NR1H4: variants seen among roughly 807,000 people sequenced by gnomAD.
The protein encoded by NR1H4 is nuclear receptor subfamily 1 group H member 4.
Under a neutral mutation model 58.5 loss-of-function variants are expected in NR1H4, and 23 were observed. That is an observed-to-expected ratio of 0.39 (90% CI 0.28 to 0.56). NR1H4 has a LOEUF of 0.56. Among genes scored for constraint, NR1H4 ranks in the 20% least tolerant of loss-of-function variants. The pLI is 0.58. For missense variants in NR1H4, 487 were observed against 576.9 expected, an observed-to-expected ratio of 0.84 and a Z score of 1.60; for synonymous variants, 214 against 198.0, an observed-to-expected ratio of 1.08 and a Z score of -0.68.
intron 4 of NR1H4, among the ~76,000 whole-genome samples, chr12:100,511,836 C>T (rs950376147): frequency 7.2e-5 from 11 of 152,032 alleles, no homozygotes; most frequent in Admixed American, 3.3e-4. Flanking sequence ...GCAGGAGAAT[C>T]GCTTGAACCT....
chr12:100,561,372 T>C (rs1184076364), intron 9 of NR1H4, among the ~76,000 whole-genome samples: 2 of 152,076 alleles, frequency 1.3e-5, no homozygotes, highest in Non-Finnish European at 2.9e-5. Flanking sequence ...CACTCCAGCC[T>C]GGGTGACAGA....
At chr12:100,510,607 TTATA>T (rs34480475) in intron 3 of NR1H4, among the ~76,000 whole-genome samples, 167 bp from the exon 4 acceptor site, 7,491 of 133,634 alleles carry the variant, frequency 0.056, 410 homozygotes, top group East Asian at 0.14. Flanking sequence ...TCATTTAATT[TTATA>T]TATATATATA....
At chr12:100,550,911 C>T (rs1955189633) in intron 9 of NR1H4, among the ~76,000 whole-genome samples, 1 of 152,152 alleles carries the variant, frequency 6.6e-6, no homozygotes, top group African/African-American at 2.4e-5. Context: ...CTCCCAATGG[C>T]CCTCACTAGG....
chr12:100,488,399 TAG>T (rs1468447505), intron 1 of NR1H4, among the ~76,000 whole-genome samples: 1 of 152,356 alleles, frequency 6.6e-6, no homozygotes, highest in African/African-American at 2.4e-5. Context: ...GCCCCATTTG[TAG>T]AGACAGTCTC....
intron 3 of NR1H4, among the ~76,000 whole-genome samples, chr12:100,501,380 C>T (rs1032259017): frequency 6.6e-6 from 1 of 152,042 alleles, no homozygotes; most frequent in Non-Finnish European, 1.5e-5. Flanking sequence ...CCCGATCAAG[C>T]AATTCAAACT....
rs138539771 is a variant in NR1H4 at position 100,510,573 on chromosome 12, A to G, written c.80-205A>G. Among the ~76,000 whole-genome samples the G allele has an allele frequency of 4.6e-3, 683 of 147,050 alleles. 7 individuals carry two copies. The highest frequency in any genetic ancestry group is 0.016 in the African/African-American group (643 of 39,878). ...GATGAGTCTGTCCTCTATGTTGCAG[A>G]TATTTTTCTGAATTTTTAATTTGTC... On this transcript the variant is annotated intron_variant, in intron 3 of 10. Coordinates refer to ENST00000392986, the MANE Select transcript of NR1H4 (RefSeq NM_001206979.2).
At chr12:100,510,031 C>T (rs1174498187) in intron 3 of NR1H4, among the ~76,000 whole-genome samples, 2 of 152,168 alleles carry the variant, frequency 1.3e-5, no homozygotes, top group African/African-American at 2.4e-5. Context: ...ATTTCCATAA[C>T]AGCACATAGA....
chr12:100,497,229 G>T (rs1313971146), intron 3 of NR1H4, among the ~76,000 whole-genome samples: 3 of 152,104 alleles, frequency 2.0e-5, no homozygotes, highest in Admixed American at 6.6e-5. Flanking sequence ...ACCCCAGGGG[G>T]CATTAATTCC....
chr12:100,488,110 C>T (rs367998737), intron 1 of NR1H4, among the ~76,000 whole-genome samples: 11 of 152,274 alleles, frequency 7.2e-5, no homozygotes, highest in African/African-American at 2.4e-4. Context: ...AAGTGATTCT[C>T]CTGCCTCAGC....
intron 4 of NR1H4, among the ~76,000 whole-genome samples, chr12:100,519,292 C>A (rs973307436): frequency 6.6e-6 from 1 of 152,030 alleles, no homozygotes; most frequent in South Asian, 2.1e-4. Context: ...ATTCTTCTGG[C>A]GGTTTATCTA....
At chr12:100,507,141 C>A (rs983691313) in intron 3 of NR1H4, among the ~76,000 whole-genome samples, 1 of 152,064 alleles carries the variant, frequency 6.6e-6, no homozygotes, top group Non-Finnish European at 1.5e-5. Context: ...CCTTACTAGA[C>A]CTGTGGCAGA....
At chr12:100,536,805 T>A (rs1411834035) in intron 7 of NR1H4, 143 bp from the exon 8 acceptor site, 6 of 660,726 alleles carry the variant, frequency 9.1e-6, no homozygotes, top group Non-Finnish European at 1.6e-5. Flanking sequence ...TTGATAATGG[T>A]AATTGCCCTC....
At chr12:100,501,268 A>G (rs1953827323) in intron 3 of NR1H4, among the ~76,000 whole-genome samples, 1 of 151,932 alleles carries the variant, frequency 6.6e-6, no homozygotes, top group Non-Finnish European at 1.5e-5. Context: ...TAGCTTTTTC[A>G]CCTATGACCC....
chr12:100,537,441 C>T (rs189604488), intron 8 of NR1H4, among the ~76,000 whole-genome samples: 1 of 152,250 alleles, frequency 6.6e-6, no homozygotes, highest in East Asian at 1.9e-4. Context: ...CTTCAATAAG[C>T]AATTGTTGAT....
chr12:100,480,663 A>G (rs1046931149), intron 1 of NR1H4, among the ~76,000 whole-genome samples: 4 of 152,190 alleles, frequency 2.6e-5, no homozygotes, highest in Non-Finnish European at 2.9e-5. Context: ...TTTAGACAGC[A>G]TCTCACTTCC....
At chr12:100,556,377 G>T (rs982829911) in intron 9 of NR1H4, among the ~76,000 whole-genome samples, 1 of 149,748 alleles carries the variant, frequency 6.7e-6, no homozygotes, top group African/African-American at 2.4e-5. Context: ...TGAGGCAAAA[G>T]AATTGCTTGA....
chr12:100,563,315 A>G lies in NR1H4; in HGVS notation c.1257A>G (p.Leu419=). The part of the protein sequence containing the change: ...EKLQEPLLDV[L]QKLCKIHQPE... ...TTCAGGAGCCACTTCTTGATGTGCTACAAAAGTTGTGTAAGATTCACCAGC... is the reference window on the plus strand; with the variant it reads ...TTCAGGAGCCACTTCTTGATGTGCTGCAAAAGTTGTGTAAGATTCACCAGC... The change falls in exon 11 of 11, where the codon CTA becomes CTG. Residue 419 remains leucine (L), a synonymous_variant. Coordinates refer to ENST00000392986, the MANE Select transcript of NR1H4 (RefSeq NM_001206979.2). The G allele has an allele frequency of 1.2e-6, 2 of 1,614,230 alleles. No homozygotes were observed. Among genetic ancestry groups the G allele is most frequent in the Non-Finnish European group, 1.7e-6 (2 of 1,180,040 alleles).
rs753003510 is a variant in NR1H4, at chr12:100,534,894, G to A, written c.603G>A (p.Leu201=). The A allele has an allele frequency of 6.2e-7, 1 of 1,614,140 alleles. No individual in the cohort carries two copies. The highest frequency in any genetic ancestry group is 1.1e-5 in the South Asian group (1 of 91,078). Residue 201 remains leucine (L), a synonymous_variant, in exon 6 of 11, where the codon TTG becomes TTA. Transcript: ENST00000392986. The part of the protein sequence containing the change: ...GMLAECMYTG[L]LTEIQCKSKR... ...CTCTATGCTTATTTGTTTTAGGCTT[G>A]TTAACTGAAATTCAGTGTAAATCTA... is the stretch of plus-strand genomic sequence containing the variant.
chr12:100,521,785 C>G (rs1434945384), intron 4 of NR1H4, among the ~76,000 whole-genome samples: 10 of 152,070 alleles, frequency 6.6e-5, no homozygotes, highest in Admixed American at 6.6e-4. Context: ...GAGTGCTGAC[C>G]TATATATAAA....
Sources: gnomAD v4.1 joint callset for allele counts (sites outside exome capture counted in the v4.1 genomes callset) on GRCh38, gnomAD v4.1.1 for gene constraint, MANE v1.5 for transcripts, NCBI Gene and HGNC (gene_info 2026-07-23, HGNC 2026-07-21) for gene names.